MCOLN1: variants seen among roughly 807,000 people sequenced by gnomAD.
MCOLN1 encodes mucolipin-1.
Under a neutral mutation model 70.3 loss-of-function variants are expected in MCOLN1, and 50 were observed. That is an observed-to-expected ratio of 0.71 (90% confidence interval 0.57 to 0.90). The LOEUF (loss-of-function observed/expected upper bound fraction) is 0.90. MCOLN1 is among the 40% of genes least tolerant of loss of function. The pLI is 0.00. For synonymous variants in MCOLN1, 366 were observed against 341.0 expected (o/e 1.07, Z -0.81); for missense variants, 598 against 803.5 (o/e 0.74, Z 3.09).
chr19:7,531,941 C>T (rs367815888), intron 12 of MCOLN1, among the ~76,000 whole-genome samples: 6 of 152,348 alleles, frequency 3.9e-5, no homozygotes, highest in African/African-American at 1.2e-4. Flanking sequence ...GCTGGGATTA[C>T]GGGCGTGAGC....
In MCOLN1 at chr19:7,528,793, A is replaced by G; in HGVS notation, c.985-28A>G. 3 of 1,614,094 alleles carry G rather than the reference A, an allele frequency of 1.9e-6. No individual in the cohort carries two copies. Among genetic ancestry groups the G allele is most frequent in the Non-Finnish European group, 2.5e-6 (3 of 1,179,972 alleles). On this transcript the variant is annotated intron_variant, in intron 8 of 13. Transcript: ENST00000264079. This position sits in a 1 kb window ranked among gnomAD's most constrained non-coding sequence, Gnocchi z 4.2. ...GGCTTTGAGGGTCCTGTGCCTGGTC[A>G]GGCCCTCACCCCGCCTGCCTTCTGC... is the stretch of plus-strand genomic sequence containing the variant.
chr19:7,529,523 C>A, intron 10 of MCOLN1, 67 bp from the exon 11 acceptor site: 21 of 1,156,106 alleles, frequency 1.8e-5, no homozygotes, highest in Non-Finnish European at 2.6e-5. Flanking sequence ...CCACCCCCAT[C>A]TGGGTGCCCA....
At chr19:7,531,713 G>T (rs139947573) in intron 12 of MCOLN1, among the ~76,000 whole-genome samples, 1 of 152,050 alleles carries the variant, frequency 6.6e-6, no homozygotes, top group African/African-American at 2.4e-5. Flanking sequence ...TGTCACCCAG[G>T]CTGGAGTGCA....
chr19:7,530,036 G>A (rs554165790), intron 11 of MCOLN1, among the ~76,000 whole-genome samples: 10 of 151,722 alleles, frequency 6.6e-5, no homozygotes, highest in African/African-American at 2.4e-4. Context: ...CCTGGGACCC[G>A]GCCATTCACG....
In MCOLN1 at chr19:7,528,592, C is replaced by T. The variant is rs750663104; in HGVS notation, c.878-5C>T. 11 of 1,614,156 alleles carry T rather than the reference C, an allele frequency of 6.8e-6. No individual in the cohort carries two copies. Among genetic ancestry groups the T allele is most frequent in the South Asian group, 1.1e-5 (1 of 91,078 alleles). On this transcript the variant is annotated splice_region_variant and splice_polypyrimidine_tract_variant and intron_variant, in intron 7 of 13. Coordinates refer to ENST00000264079, the MANE Select transcript of MCOLN1 (RefSeq NM_020533.3). This position sits in a 1 kb window ranked among gnomAD's most constrained non-coding sequence, Gnocchi z 4.2. The stretch of plus-strand genomic sequence containing the variant: ...TTGGCCCTACCCGCTCTGCCCTCCC[C>T]GCAGGAGACAACAGCTTCCGGCTCC...
chr19:7,526,620 GGCAGGTGCTGGTGGGCAGGCAGGT>G lies in MCOLN1; in HGVS notation c.405+22_405+45del. 2 of 1,609,002 alleles carry G rather than the reference GGCAGGTGCTGGTGGGCAGGCAGGT, an allele frequency of 1.2e-6. No individual in the cohort carries two copies. The highest frequency in any genetic ancestry group is 3.3e-5 in the Admixed American group (2 of 59,984). On this transcript the variant is annotated intron_variant, in intron 3 of 13. Transcript: ENST00000264079. The surrounding 1 kb of genome is among the most constrained non-coding windows in gnomAD (Gnocchi z 4.6). The stretch of plus-strand genomic sequence containing the variant: ...GCTGTGGACCAGGTGCTGGTGGGCG[GGCAGGTGCTGGTGGGCAGGCAGGT>G]GCAGGTGGGCGGGCAGGTGCAGTTG...
At position 7,533,858 on chromosome 19, in the gene MCOLN1, CTTAT is replaced by C. The variant is rs2022714574; in HGVS notation, c.*70_*73del. ...GCAGAGACCCCCGCCCCCGACCCCG[CTTAT>C]TTATTTGTAGGGTTTGCTTTTAAGG... On this transcript the variant is annotated 3_prime_UTR_variant, in exon 14 of 14. Transcript: ENST00000264079. 2.5e-6 allele frequency: 4 copies of C among 1,591,272 alleles called. No individual in the cohort carries two copies. Among genetic ancestry groups the C allele is most frequent in the African/African-American group, 2.7e-5 (2 of 74,402 alleles).
rs2022638894 is a variant in MCOLN1 at position 7,530,391 on chromosome 19, C to T, written c.1465C>T (p.Leu489=). The T allele has an allele frequency of 6.2e-7, 1 of 1,613,838 alleles. No homozygotes were observed. Among genetic ancestry groups the T allele is most frequent in the Non-Finnish European group, 8.5e-7 (1 of 1,179,938 alleles). ...AMQAQQGRSS[L]VWLFSQLYLY... ...GCAGGCGCAGCAGGGCCGCAGCAGCCTGGTGTGGCTCTTCTCCCAGCTCTA... is the reference window on the plus strand; with the variant it reads ...GCAGGCGCAGCAGGGCCGCAGCAGCTTGGTGTGGCTCTTCTCCCAGCTCTA... The change falls in exon 12 of 14, where the codon CTG becomes TTG. Residue 489 remains leucine, a synonymous_variant. Coordinates refer to ENST00000264079, the MANE Select transcript of MCOLN1 (RefSeq NM_020533.3).
At chr19:7,527,402 G>T in intron 4 of MCOLN1, 118 bp from the exon 5 acceptor site, 1 of 747,198 alleles carries the variant, frequency 1.3e-6, no homozygotes, top group Non-Finnish European at 2.5e-6. Context: ...AGAGTGCCAG[G>T]CCTGTAGGAA....
chr19:7,530,163 C>T (rs1486546005), intron 11 of MCOLN1, 123 bp from the exon 12 acceptor site: 16 of 797,372 alleles, frequency 2.0e-5, no homozygotes, highest in East Asian at 7.3e-5. Context: ...GCCCGGGACC[C>T]GGCCATTCAT....
At chr19:7,523,136 G>A (rs2022518968) in intron 1 of MCOLN1, among the ~76,000 whole-genome samples, 2 of 152,160 alleles carry the variant, frequency 1.3e-5, no homozygotes, top group Non-Finnish European at 1.5e-5. Flanking sequence ...TCTCCAACCC[G>A]CACGTGAGAC....
In MCOLN1 at chr19:7,525,061, T is replaced by C; in HGVS notation, c.132T>C (p.Arg44=). The part of the protein sequence containing the change: ...TPPEEEDLRR[R]LKYFFMSPCD... ...CAGAAGAGGAAGACCTTCGCCGTCG[T>C]CTCAAATACTTTTTCATGAGTCCCT... The change falls in exon 2 of 14, where the codon CGT becomes CGC. Residue 44 remains arginine (R), a synonymous_variant. Coordinates refer to ENST00000264079, the MANE Select transcript of MCOLN1 (RefSeq NM_020533.3). This position sits in a 1 kb window ranked among gnomAD's most constrained non-coding sequence, Gnocchi z 4.2. 2 of 1,613,990 alleles carry C rather than the reference T, an allele frequency of 1.2e-6. No individual in the cohort carries two copies. The highest frequency in any genetic ancestry group is 8.5e-7 in the Non-Finnish European group (1 of 1,180,016).
At position 7,528,480 on chromosome 19, in the gene MCOLN1, C is replaced by A. The variant is rs751192187; in HGVS notation, c.878-117C>A. The stretch of plus-strand genomic sequence containing the variant: ...TCACCCCAAGCAAGCCCTGAGCCCA[C>A]TGACCAACCAAAACCAGCCGTGCAG... On this transcript the variant is annotated intron_variant, in intron 7 of 13. Transcript: ENST00000264079. This position sits in a 1 kb window ranked among gnomAD's most constrained non-coding sequence, Gnocchi z 4.2. 4.3e-5 allele frequency: 60 copies of A among 1,385,784 alleles called. No homozygotes were observed. The highest frequency in any genetic ancestry group is 5.8e-5 in the Non-Finnish European group (58 of 1,002,642). 85.8% of individuals were successfully genotyped at this position (1,385,784 alleles called of 1,614,324 possible). A position where few individuals can be genotyped will look rare whatever the true frequency, so the allele number is the denominator to read the frequency against.
chr19:7,529,510 C>CCAACCGAACCGAGG, intron 10 of MCOLN1, 80 bp from the exon 11 acceptor site: 1 of 912,890 alleles, frequency 1.1e-6, no homozygotes, highest in Non-Finnish European at 1.7e-6. Context: ...GGCCCCGCCC[C>CCAACCGAACCGAGG]TCCCACCCCC....
chr19:7,526,619 GGGCAGGTGCTGGTGGGCA>G lies in MCOLN1; in HGVS notation c.405+23_405+40del, dbSNP rs768863670. 1.1e-5 allele frequency: 18 copies of G among 1,610,614 alleles called. No homozygotes were observed. In the East Asian group the frequency reaches 1.3e-4, roughly 12 times the overall value. ...TGCTGTGGACCAGGTGCTGGTGGGC[GGGCAGGTGCTGGTGGGCA>G]GGCAGGTGCAGGTGGGCGGGCAGGT... On this transcript the variant is annotated intron_variant, in intron 3 of 13. Transcript: ENST00000264079. The surrounding 1 kb of genome is among the most constrained non-coding windows in gnomAD (Gnocchi z 4.6).
At chr19:7,523,849 G>T (rs1390129217) in intron 1 of MCOLN1, among the ~76,000 whole-genome samples, 1 of 151,862 alleles carries the variant, frequency 6.6e-6, no homozygotes, top group Non-Finnish European at 1.5e-5. Context: ...CAGGGAGAGG[G>T]TGGACTTTTT....
At chr19:7,529,523 C>CCAG in intron 10 of MCOLN1, 67 bp from the exon 11 acceptor site, 2 of 1,156,282 alleles carry the variant, frequency 1.7e-6, no homozygotes, top group Non-Finnish European at 2.5e-6. Flanking sequence ...CCACCCCCAT[C>CCAG]TGGGTGCCCA....
chr19:7,527,862 A>C lies in MCOLN1; in HGVS notation c.681-2A>C, dbSNP rs1057517453. The C allele has an allele frequency of 6.2e-7, 1 of 1,612,692 alleles. No individual in the cohort carries two copies. Among genetic ancestry groups the C allele is most frequent in the Non-Finnish European group, 8.5e-7 (1 of 1,178,684 alleles). On this transcript the variant is annotated splice_acceptor_variant, in intron 5 of 13. Coordinates refer to ENST00000264079, the MANE Select transcript of MCOLN1 (RefSeq NM_020533.3). LOFTEE classifies it high-confidence loss of function. ...TGACCCTCACCCGAGCCTCCTGCCT[A>C]GGCTGGTCAATGTCACCATCCACTT...
Position 7,529,213 on chromosome 19 carries a change from C to T in MCOLN1, c.1236+11C>T. ...TTCCACAACTACAATGTGAGTTTTG[C>T]ACATGCAGCTGGGCCTTCCACATGG... is the stretch of plus-strand genomic sequence containing the variant. On this transcript the variant is annotated intron_variant, in intron 10 of 13. Transcript: ENST00000264079. 6.2e-7 allele frequency: 1 copy of T among 1,606,356 alleles called. No homozygotes were observed. The highest frequency in any genetic ancestry group is 8.5e-7 in the Non-Finnish European group (1 of 1,175,994).
Sources: gnomAD v4.1 joint callset for allele counts (sites outside exome capture counted in the v4.1 genomes callset) on GRCh38, gnomAD v4.1.1 for gene constraint, Gnocchi (gnomAD v3.1) non-coding constraint, MANE v1.5 for transcripts, NCBI Gene and HGNC (gene_info 2026-07-23, HGNC 2026-07-21) for gene names.